FBN3: variants seen among roughly 807,000 people sequenced by gnomAD.
FBN3 encodes the protein fibrillin-3.
FBN3 carries 234 observed loss-of-function variants against 330.1 expected under a neutral mutation model. That is an observed-to-expected ratio of 0.71 (90% CI 0.64 to 0.79). The LOEUF (loss-of-function observed/expected upper bound fraction) is 0.79. FBN3 is among the 30% of genes least tolerant of loss of function. The probability of loss-of-function intolerance (pLI) is 0.00; values close to 1 mark genes in which losing one functional copy is unlikely to be tolerated. For synonymous variants in FBN3, 1,458 were observed against 1,517.3 expected, an observed-to-expected ratio of 0.96 and a Z score of 0.91; for missense variants, 3,606 against 3,886.9, an observed-to-expected ratio of 0.93 and a Z score of 1.92.
chr19:8,118,892 CTT>C lies in FBN3; in HGVS notation c.3337+3_3337+4del, dbSNP rs2082772370. The C allele has an allele frequency of 6.2e-7, 1 of 1,609,048 alleles. No homozygotes were observed. The highest frequency in any genetic ancestry group is 8.5e-7 in the Non-Finnish European group (1 of 1,175,746). ...TCACACTTGCACACCCAGATGCACA[CTT>C]ACCCTCACAGGCAGTGCCCTTGGCC... On this transcript the variant is annotated splice_donor_region_variant and intron_variant, in intron 26 of 63. Coordinates refer to ENST00000600128, the MANE Select transcript of FBN3 (RefSeq NM_032447.5).
Position 8,126,140 on chromosome 19 carries a change from G to A in FBN3, c.2606-123C>T, listed in dbSNP as rs533993387. The A allele has an allele frequency of 1.6e-5, 24 of 1,473,128 alleles. No individual in the cohort carries two copies. In the East Asian group the frequency reaches 4.7e-4, roughly 29 times the overall value. 91.3% of individuals were successfully genotyped at this position (1,473,128 alleles called of 1,614,324 possible). ...AGGGGACGGGGACACGGGGACTGGG[G>A]ACTTTCAAGAAGGCCTGGGGACCAG... On this transcript the variant is annotated intron_variant, in intron 21 of 63. Transcript: ENST00000600128.
Position 8,131,551 on chromosome 19 carries a change from C to T in FBN3, c.1990+3G>A, listed in dbSNP as rs374423807. 23 of 1,602,656 alleles carry T rather than the reference C, an allele frequency of 1.4e-5. No homozygotes were observed. The highest frequency in any genetic ancestry group is 1.9e-5 in the Non-Finnish European group (22 of 1,172,560). On this transcript the variant is annotated splice_donor_region_variant and intron_variant, in intron 15 of 63. Coordinates refer to ENST00000600128, the MANE Select transcript of FBN3 (RefSeq NM_032447.5). This position sits in a 1 kb window ranked among gnomAD's most constrained non-coding sequence, Gnocchi z 4.5. Reference sequence around the variant, plus strand: ...GATGGGGACCGGGCAGCCGGATGCTCACCGGAGTCTTTGGCAGGACAAAGC... The same window carrying T: ...GATGGGGACCGGGCAGCCGGATGCTTACCGGAGTCTTTGGCAGGACAAAGC...
At chr19:8,135,936 G>GGGGGGCCCCCCCCCCCCCCCC in intron 13 of FBN3, 25 bp downstream of exon 13, 1 of 668,776 alleles carries the variant, frequency 1.5e-6, no homozygotes, top group Non-Finnish European at 2.4e-6. Flanking sequence ...GGAAGCCCCT[G>GGGGGGCCCCCCCCCCCCCCCC]CCCACCCGCC....
rs2083157033 is a variant in FBN3, at chr19:8,131,824, C to A, written c.1720G>T (p.Asp574Tyr). The change falls in exon 15 of 64, where the codon GAC (aspartate) becomes TAC (tyrosine). Residue 574 changes from aspartate to tyrosine, a missense_variant. Coordinates refer to ENST00000600128, the MANE Select transcript of FBN3 (RefSeq NM_032447.5). This position sits in a 1 kb window ranked among gnomAD's most constrained non-coding sequence, Gnocchi z 4.5. Reference sequence around the variant, plus strand: ...CAGATGCCGGGCGTCTGGCACTCGTCAATGTCTGCAGAAGCAGTGGCGGCA... The same window carrying A: ...CAGATGCCGGGCGTCTGGCACTCGTAAATGTCTGCAGAAGCAGTGGCGGCA... ...APGGHYCMDI[D>Y]ECQTPGICVN... The A allele has an allele frequency of 6.3e-7, 1 of 1,590,476 alleles. No homozygotes were observed. Among genetic ancestry groups the A allele is most frequent in the Non-Finnish European group, 8.6e-7 (1 of 1,164,032 alleles).
chr19:8,087,598 A>ATTTTT (rs35631767), intron 53 of FBN3, among the ~76,000 whole-genome samples: 17 of 75,448 alleles, frequency 2.3e-4, no homozygotes, highest in Admixed American at 3.5e-4. Context: ...GCATTGCAGG[A>ATTTTT]TTTTTTTTTT....
In FBN3 at chr19:8,109,775, C is replaced by T. The variant is rs1449769639; in HGVS notation, c.4334-22G>A. On this transcript the variant is annotated intron_variant, in intron 34 of 63. Transcript: ENST00000600128. The surrounding 1 kb of genome is among the most constrained non-coding windows in gnomAD (Gnocchi z 5.2). ...ATGTCTGTAGGGAGGAAGCGCGGTC[C>T]TCAGCAGGGAGCCCCTTCCTCGGCC... 1.4e-6 allele frequency: 2 copies of T among 1,442,118 alleles called. No individual in the cohort carries two copies. The highest frequency in any genetic ancestry group is 1.8e-6 in the Non-Finnish European group (2 of 1,094,830). 89.3% of individuals were successfully genotyped at this position (1,442,118 alleles called of 1,614,324 possible). A position where few individuals can be genotyped will look rare whatever the true frequency, so the allele number is the denominator to read the frequency against.
At chr19:8,113,874 G>A (rs1339522353) in intron 30 of FBN3, among the ~76,000 whole-genome samples, 4 of 150,970 alleles carry the variant, frequency 2.6e-5, no homozygotes, top group South Asian at 2.1e-4. Flanking sequence ...TGAGTGTGGC[G>A]GCACGTGTGG....
chr19:8,080,491 G>A (rs896971013), intron 59 of FBN3, among the ~76,000 whole-genome samples: 11 of 152,322 alleles, frequency 7.2e-5, no homozygotes, highest in African/African-American at 2.4e-4. Flanking sequence ...AAGCCAAGGC[G>A]AGAGGGCCTC....
In FBN3 at chr19:8,113,817, C is replaced by T. The variant is rs368880407; in HGVS notation, c.3838+1698G>A. Among the ~76,000 whole-genome samples the T allele has an allele frequency of 1.3e-4, 17 of 133,820 alleles. No homozygotes were observed. In the South Asian group the frequency reaches 3.3e-3, roughly 26 times the overall value. 87.8% of individuals were successfully genotyped at this position (133,820 alleles called of 152,430 possible). On this transcript the variant is annotated intron_variant, in intron 30 of 63. Coordinates refer to ENST00000600128, the MANE Select transcript of FBN3 (RefSeq NM_032447.5). ...TCCAGGAGTTCAAGACCAACCCGGGCGACATAGTAAAACACTATCTCTACA... is the reference window on the plus strand; with the variant it reads ...TCCAGGAGTTCAAGACCAACCCGGGTGACATAGTAAAACACTATCTCTACA...
At chr19:8,115,411 T>C in intron 30 of FBN3, 104 bp downstream of exon 30, 5 of 1,373,268 alleles carry the variant, frequency 3.6e-6, no homozygotes, top group Non-Finnish European at 4.9e-6. Flanking sequence ...TCTATGAGAA[T>C]GAATTCTGGC....
In FBN3 at chr19:8,096,061, C is replaced by A. The variant is rs748741955; in HGVS notation, c.5559G>T (p.Arg1853=). 1.2e-6 allele frequency: 2 copies of A among 1,613,780 alleles called. No homozygotes were observed. The highest frequency in any genetic ancestry group is 1.7e-6 in the Non-Finnish European group (2 of 1,179,714). Residue 1853 remains arginine (R), a synonymous_variant, in exon 45 of 64, where the codon CGG becomes CGT. Transcript: ENST00000600128. This position sits in a 1 kb window ranked among gnomAD's most constrained non-coding sequence, Gnocchi z 4.6. ...TLCMDIDECD[R]QPCGNGTCKN... is the part of the protein sequence containing the mutation. ...TGCAGGTCCCATTTCCACAAGGCTG[C>A]CGGTCACACTCGTCAATGTCTGCAG...
Position 8,072,171 on chromosome 19 carries a change from G to A in FBN3, c.7965C>T (p.Ser2655=). ...TGTCCGGGGTGTCCTGGGGTCCGGG[G>A]CTGAAGCCCAGGCCGGAGACACAGT... The part of the protein sequence containing the change: ...QGHCVSGLGF[S]PGPQDTPDKE... Residue 2655 remains serine (S), a synonymous_variant, in exon 63 of 64, where the codon AGC becomes AGT. Coordinates refer to ENST00000600128, the MANE Select transcript of FBN3 (RefSeq NM_032447.5). 1 of 1,576,848 alleles carries A rather than the reference G, an allele frequency of 6.3e-7. No individual in the cohort carries two copies. Among genetic ancestry groups the A allele is most frequent in the Non-Finnish European group, 8.6e-7 (1 of 1,162,528 alleles).
rs4637025 is a variant in FBN3, at chr19:8,121,894, T to C, written c.3083-508A>G. Among the ~76,000 whole-genome samples, 101,297 of 151,716 alleles carry C rather than the reference T, an allele frequency of 0.67. 35,041 individuals are homozygous for C. Among genetic ancestry groups the C allele is most frequent in the African/African-American group, 0.85 (35,071 of 41,424 alleles). ...CCTCCCGAGTAGCTGGGATTACAGG[T>C]GTGTGCCACCATGCCCGGCTAATTT... On this transcript the variant is annotated intron_variant, in intron 24 of 63. Coordinates refer to ENST00000600128, the MANE Select transcript of FBN3 (RefSeq NM_032447.5). This position sits in a 1 kb window ranked among gnomAD's most constrained non-coding sequence, Gnocchi z 4.5.
At chr19:8,135,936 G>GGGGGGGGGCGGCCCCCCCCCCCCCCCCC in intron 13 of FBN3, 25 bp downstream of exon 13, 1 of 668,778 alleles carries the variant, frequency 1.5e-6, no homozygotes, top group East Asian at 3.9e-5. Flanking sequence ...GGAAGCCCCT[G>GGGGGGGGGCGGCCCCCCCCCCCCCCCCC]CCCACCCGCC....
intron 1 of FBN3, chr19:8,147,722 C>T (rs1402013456): frequency 1.8e-5 from 7 of 394,908 alleles, no homozygotes; most frequent in Non-Finnish European, 2.7e-5. Context: ...GGTGCACAGC[C>T]AAGGCAAGAC....
chr19:8,145,249 T>C (rs117374543), intron 5 of FBN3, among the ~76,000 whole-genome samples: 8,189 of 151,860 alleles, frequency 0.054, 245 homozygotes, highest in Middle Eastern at 0.082. Flanking sequence ...TGGCCGGCTC[T>C]TTTAATCCCA....
rs148377163 is a variant in FBN3, at chr19:8,123,887, G to C, written c.2853C>G (p.Cys951Trp). 6.2e-7 allele frequency: 1 copy of C among 1,613,732 alleles called. No individual in the cohort carries two copies. The highest frequency in any genetic ancestry group is 1.7e-5 in the Admixed American group (1 of 60,012). ...CSIGAVWGVE[C>W]EACPDPESLE... ...GAGACTCGGGATCCGGGCAGGCCTCGCACTCGACTCCCCACACGGCCCCGA... is the reference window on the plus strand; with the variant it reads ...GAGACTCGGGATCCGGGCAGGCCTCCCACTCGACTCCCCACACGGCCCCGA... The change falls in exon 23 of 64, where the codon TGC becomes TGG. Residue 951 changes from cysteine (C) to tryptophan (W), a missense_variant. Physicochemically the swap from Cys to Trp is radical, Grantham distance 215 (BLOSUM62 -2). Transcript: ENST00000600128.
At chr19:8,100,642 T>C (rs911701957) in intron 41 of FBN3, among the ~76,000 whole-genome samples, 2 of 152,198 alleles carry the variant, frequency 1.3e-5, no homozygotes, top group African/African-American at 2.4e-5. Flanking sequence ...ATGGCTCGAA[T>C]GGTAAATTTT....
chr19:8,085,989 G>A (rs1037969237), intron 55 of FBN3, among the ~76,000 whole-genome samples: 8 of 146,368 alleles, frequency 5.5e-5, no homozygotes, highest in Non-Finnish European at 7.5e-5. Flanking sequence ...CAGGCAGTGG[G>A]AGGGACAGGC....
Sources: allele counts gnomAD v4.1 joint callset (sites outside exome capture counted in the v4.1 genomes callset), GRCh38; gene constraint gnomAD v4.1.1; non-coding constraint Gnocchi (gnomAD v3.1); transcripts MANE v1.5; gene names NCBI Gene and HGNC (gene_info 2026-07-23, HGNC 2026-07-21).